CATSPERT: variants seen among roughly 807,000 people sequenced by gnomAD.
CATSPERT encodes catsper channel auxiliary subunit tau, also known as cation channel sperm-associated targeting subunit tau.
chr2:201,596,488 G>C, the CATSPERT span, among the ~76,000 whole-genome samples: 1 of 152,048 alleles, frequency 6.6e-6, no homozygotes, highest in Non-Finnish European at 1.5e-5. Context: ...CTTAATACCT[G>C]GTGATGAAAT....
chr2:201,494,397 A>G, the CATSPERT span: 1 of 1,537,410 alleles, frequency 6.5e-7, no homozygotes, highest in Non-Finnish European at 8.7e-7. Context: ...TTGCCTGTAC[A>G]TTTCCAGCCC....
At chr2:201,601,875 T>C in the CATSPERT span, 1 of 1,589,318 alleles carries the variant, frequency 6.3e-7, no homozygotes, top group Admixed American at 1.8e-5. Context: ...AGCATAATGT[T>C]GTAAACTGAC....
At chr2:201,507,795 G>C in the CATSPERT span, among the ~76,000 whole-genome samples, 1 of 152,152 alleles carries the variant, frequency 6.6e-6, no homozygotes, top group South Asian at 2.1e-4. Context: ...TGACTGGGGG[G>C]GCCTCAGGAA....
the CATSPERT span, among the ~76,000 whole-genome samples, chr2:201,611,635 GA>G: frequency 6.7e-5 from 10 of 148,744 alleles, no homozygotes; most frequent in Non-Finnish European, 1.2e-4. Flanking sequence ...ATAGAGAACA[GA>G]AAAATCATTT....
chr2:201,493,425 A>G, the CATSPERT span: 20 of 1,537,210 alleles, frequency 1.3e-5, no homozygotes, highest in South Asian at 2.3e-4. Context: ...ACTCTTGGGA[A>G]TCCTTTAGGT....
the CATSPERT span, among the ~76,000 whole-genome samples, chr2:201,538,676 T>G: frequency 1.3e-5 from 2 of 152,168 alleles, no homozygotes; most frequent in African/African-American, 4.8e-5. Flanking sequence ...TATAAAAATT[T>G]AACTTTTAAG....
the CATSPERT span, among the ~76,000 whole-genome samples, chr2:201,604,422 T>TC: frequency 6.6e-6 from 1 of 152,174 alleles, no homozygotes; most frequent in Non-Finnish European, 1.5e-5. Flanking sequence ...GAATCCCTAA[T>TC]ATAGAAGATA....
At chr2:201,558,017 G>A in the CATSPERT span, 1 of 152,036 alleles carries the variant, frequency 6.6e-6, no homozygotes, top group African/African-American at 2.4e-5. Flanking sequence ...TTTTCTTACA[G>A]GCTTCTACCC....
chr2:201,542,296 C>T, the CATSPERT span, among the ~76,000 whole-genome samples: 75 of 152,268 alleles, frequency 4.9e-4, no homozygotes, highest in African/African-American at 1.7e-3. Flanking sequence ...GTTGTTTCTA[C>T]ATCTTGACTA....
the CATSPERT span, among the ~76,000 whole-genome samples, chr2:201,562,034 T>A: frequency 6.6e-6 from 1 of 151,276 alleles, no homozygotes; most frequent in Non-Finnish European, 1.5e-5. Context: ...TACTTTTTGG[T>A]CCATTTACAA....
the CATSPERT span, among the ~76,000 whole-genome samples, chr2:201,573,435 T>A: frequency 7.9e-5 from 12 of 152,326 alleles, no homozygotes; most frequent in African/African-American, 2.9e-4. Context: ...TACTCCATTT[T>A]GTTTTCTCAG....
At chr2:201,602,810 A>C in the CATSPERT span, among the ~76,000 whole-genome samples, 2 of 152,346 alleles carry the variant, frequency 1.3e-5, no homozygotes, top group East Asian at 3.8e-4. Context: ...TAGAGCACAA[A>C]ATTTAAGGGG....
At chr2:201,575,034 C>CAAAAAAAAAAAA in the CATSPERT span, among the ~76,000 whole-genome samples, 6 of 97,904 alleles carry the variant, frequency 6.1e-5, no homozygotes, top group African/African-American at 1.9e-4. Context: ...CACCATTTAG[C>CAAAAAAAAAAAA]AAAAAAAAAA....
the CATSPERT span, among the ~76,000 whole-genome samples, chr2:201,509,520 T>G: frequency 1.3e-5 from 2 of 150,914 alleles, 1 homozygote; most frequent in African/African-American, 5.0e-5. Context: ...TTAAATGCTC[T>G]GAAACTTAGA....
the CATSPERT span, among the ~76,000 whole-genome samples, chr2:201,510,443 CAATA>C: frequency 6.6e-6 from 1 of 151,980 alleles, no homozygotes; most frequent in African/African-American, 2.4e-5. Flanking sequence ...GACACTGTCT[CAATA>C]AATAAATAAA....
chr2:201,567,626 G>A, the CATSPERT span, among the ~76,000 whole-genome samples: 3 of 152,314 alleles, frequency 2.0e-5, no homozygotes, highest in Admixed American at 2.0e-4. Flanking sequence ...GCAGGGAAAA[G>A]TTAATGTCCC....
chr2:201,522,344 A>G, the CATSPERT span, among the ~76,000 whole-genome samples: 1 of 152,176 alleles, frequency 6.6e-6, no homozygotes, highest in Non-Finnish European at 1.5e-5. Flanking sequence ...AAATCCAGGA[A>G]GAGGAGCCAG....
the CATSPERT span, among the ~76,000 whole-genome samples, chr2:201,531,128 T>A: frequency 6.6e-6 from 1 of 151,956 alleles, no homozygotes; most frequent in African/African-American, 2.4e-5. Context: ...GCCCAGCTAA[T>A]TTTTTGTTTT....
the CATSPERT span, chr2:201,619,111 G>T: frequency 2.3e-5 from 37 of 1,614,084 alleles, 1 homozygote; most frequent in South Asian, 3.8e-4. Flanking sequence ...AGGCCTATTT[G>T]TCTCTTGGGG....
Sources: gnomAD v4.1 joint callset for allele counts (sites outside exome capture counted in the v4.1 genomes callset) on GRCh38, gnomAD v4.1.1 for gene constraint, MANE v1.5 for transcripts, NCBI Gene and HGNC (gene_info 2026-07-23, HGNC 2026-07-21) for gene names.